RNLS: variants seen among roughly 807,000 people sequenced by gnomAD.
RNLS encodes the protein renalase, FAD dependent amine oxidase, also known as renalase.
In RNLS, 39 loss-of-function variants were observed where a neutral mutation model predicts 39.8. That is an observed-to-expected ratio of 0.98 (90% CI 0.76 to 1.28). The LOEUF (loss-of-function observed/expected upper bound fraction) is 1.28. RNLS is among the 50% of genes most tolerant of loss of function. The pLI is 0.00. For missense variants in RNLS, 410 were observed against 413.3 expected (o/e 0.99, Z 0.07); for synonymous variants, 147 against 150.7 (o/e 0.98, Z 0.18).
intron 4 of RNLS, among the ~76,000 whole-genome samples, chr10:88,384,865 T>C (rs1270045758): frequency 2.0e-5 from 3 of 152,220 alleles, no homozygotes; most frequent in Non-Finnish European, 4.4e-5. Context: ...TACATTTAAA[T>C]GTGACTATTG....
intron 4 of RNLS, among the ~76,000 whole-genome samples, chr10:88,433,671 T>C (rs1855274283): frequency 6.6e-6 from 1 of 152,102 alleles, no homozygotes; most frequent in Non-Finnish European, 1.5e-5. Flanking sequence ...GAATGCAATG[T>C]AATATTAGCA....
chr10:88,460,837 T>C (rs1842901323), intron 4 of RNLS, among the ~76,000 whole-genome samples: 1 of 152,168 alleles, frequency 6.6e-6, no homozygotes, highest in Admixed American at 6.6e-5. Context: ...CATGTTACAC[T>C]GAACTTCAGT....
At chr10:88,265,114 T>C in the RNLS span, among the ~76,000 whole-genome samples, 1 of 152,082 alleles carries the variant, frequency 6.6e-6, no homozygotes, top group Non-Finnish European at 1.5e-5. Flanking sequence ...ACTTTGTTTT[T>C]GTTTGCTTTG....
chr10:88,390,036 T>C (rs1405033391), intron 4 of RNLS, among the ~76,000 whole-genome samples: 1 of 152,196 alleles, frequency 6.6e-6, no homozygotes. Context: ...AAGGGGGAAA[T>C]ACAATTTGGT....
At chr10:88,366,277 C>T (rs1054340831) in intron 4 of RNLS, among the ~76,000 whole-genome samples, 1 of 152,006 alleles carries the variant, frequency 6.6e-6, no homozygotes, top group Non-Finnish European at 1.5e-5. Context: ...TCGTTATGAG[C>T]CAAGGACAGA....
chr10:88,343,172 A>C (rs11202726), intron 5 of RNLS, among the ~76,000 whole-genome samples: 20,757 of 152,144 alleles, frequency 0.14, 1,630 homozygotes, highest in East Asian at 0.34. Context: ...TGTGTGCTCT[A>C]AGAAAACCAT....
intron 4 of RNLS, among the ~76,000 whole-genome samples, chr10:88,390,839 C>T (rs1164358523): frequency 6.6e-6 from 1 of 152,016 alleles, no homozygotes; most frequent in East Asian, 1.9e-4. Flanking sequence ...TTTTACTGTC[C>T]CACCAACTAT....
At chr10:88,219,071 A>C in the RNLS span, among the ~76,000 whole-genome samples, 1 of 152,126 alleles carries the variant, frequency 6.6e-6, no homozygotes, top group African/African-American at 2.4e-5. Flanking sequence ...TTTTCTTTTT[A>C]ACATATTTGT....
intron 4 of RNLS, among the ~76,000 whole-genome samples, chr10:88,474,914 T>C (rs1364669145): frequency 6.6e-6 from 1 of 152,090 alleles, no homozygotes; most frequent in Non-Finnish European, 1.5e-5. Context: ...AGCAAAGAAA[T>C]ATGATGCCTT....
At chr10:88,467,436 A>T (rs1002844414) in intron 4 of RNLS, among the ~76,000 whole-genome samples, 3 of 151,964 alleles carry the variant, frequency 2.0e-5, no homozygotes, top group African/African-American at 7.2e-5. Flanking sequence ...AAAACCAAAA[A>T]ATTTTTAAAA....
chr10:88,461,497 CTT>C (rs1842932981), intron 4 of RNLS, among the ~76,000 whole-genome samples: 1 of 152,118 alleles, frequency 6.6e-6, no homozygotes, highest in South Asian at 2.1e-4. Flanking sequence ...CTTTGGGAAA[CTT>C]TCTCTGGCTT....
intron 4 of RNLS, among the ~76,000 whole-genome samples, chr10:88,448,435 C>A (rs1356643580): frequency 6.6e-6 from 1 of 152,086 alleles, no homozygotes; most frequent in Non-Finnish European, 1.5e-5. Context: ...AAATGCAAAT[C>A]AAAACCACAA....
At chr10:88,407,972 C>T (rs1282565370) in intron 4 of RNLS, among the ~76,000 whole-genome samples, 1 of 152,040 alleles carries the variant, frequency 6.6e-6, no homozygotes. Flanking sequence ...TTTTAATGTA[C>T]TTGTCTTTAC....
intron 4 of RNLS, among the ~76,000 whole-genome samples, chr10:88,467,388 C>T (rs1409600878): frequency 6.6e-6 from 1 of 152,030 alleles, no homozygotes; most frequent in Non-Finnish European, 1.5e-5. Context: ...CTCCTGCCTG[C>T]TCTTAGGGGA....
intron 4 of RNLS, among the ~76,000 whole-genome samples, chr10:88,415,825 C>T (rs1853986215): frequency 6.6e-6 from 1 of 152,168 alleles, no homozygotes; most frequent in Admixed American, 6.5e-5. Flanking sequence ...TAGTGCCATG[C>T]ACAGATGGGT....
At chr10:88,582,170 A>T in intron 2 of RNLS, 32 bp downstream of exon 2, 1 of 1,530,176 alleles carries the variant, frequency 6.5e-7, no homozygotes, top group Non-Finnish European at 9.0e-7. Flanking sequence ...CACAACTGCT[A>T]AGATTGATTC....
At chr10:88,505,082 A>C (rs1187262227) in intron 4 of RNLS, among the ~76,000 whole-genome samples, 1 of 151,994 alleles carries the variant, frequency 6.6e-6, no homozygotes, top group African/African-American at 2.4e-5. Context: ...CAAGAACCCC[A>C]AAAACCCAGA....
the RNLS span, among the ~76,000 whole-genome samples, chr10:88,172,417 CTGA>C: frequency 3.9e-5 from 6 of 152,096 alleles, no homozygotes; most frequent in African/African-American, 1.4e-4. Context: ...TTGCATTTCC[CTGA>C]TGATCAGTGA....
In RNLS at chr10:88,285,103, C is replaced by G; in HGVS notation, c.*251G>C. 3.2e-6 allele frequency: 2 copies of G among 633,628 alleles called. No homozygotes were observed. Among genetic ancestry groups the G allele is most frequent in the Non-Finnish European group, 2.0e-6 (1 of 511,150 alleles). The allele number at this position is 633,628 out of a possible 1,614,324, so 39.3% of individuals were successfully genotyped here. On this transcript the variant is annotated 3_prime_UTR_variant, in exon 7 of 7. Transcript: ENST00000331772. The stretch of plus-strand genomic sequence containing the variant: ...TTGTTATTTTTTAAGTACCACTTTT[C>G]CTCCAACAAGGAGTAGTCATAGCAA...
Sources: gnomAD v4.1 joint callset for allele counts (sites outside exome capture counted in the v4.1 genomes callset) on GRCh38, gnomAD v4.1.1 for gene constraint, MANE v1.5 for transcripts, NCBI Gene and HGNC (gene_info 2026-07-23, HGNC 2026-07-21) for gene names.